Variants in RBMS3 observed in about 807,000 individuals in gnomAD.
RBMS3 encodes the protein RNA binding motif single stranded interacting protein 3.
In RBMS3, 27 loss-of-function variants were observed where a neutral mutation model predicts 66.8. The observed-to-expected ratio is 0.40, with a 90% CI of 0.30 to 0.56. The LOEUF is 0.56. Ranked by LOEUF, RBMS3 falls within the 20% of genes least tolerant of loss-of-function variation. The pLI is 0.40. For missense variants in RBMS3, 513 were observed against 549.5 expected (o/e 0.93, Z 0.66); for synonymous variants, 188 against 183.0 (o/e 1.03, Z -0.22).
At chr3:29,694,271 C>T (rs1432699704) in intron 4 of RBMS3, among the ~76,000 whole-genome samples, 1 of 152,164 alleles carries the variant, frequency 6.6e-6, no homozygotes. Context: ...CATACATTTT[C>T]ACCCAAGTCT....
chr3:29,714,542 G>A (rs2053309887), intron 4 of RBMS3, among the ~76,000 whole-genome samples: 1 of 152,202 alleles, frequency 6.6e-6, no homozygotes, highest in Admixed American at 6.5e-5. Flanking sequence ...TTAAAATCAT[G>A]AGACTTGGTA....
At position 29,281,475 on chromosome 3, in the gene RBMS3, C is replaced by T. The variant is rs202206506; in HGVS notation, c.-207C>T. On this transcript the variant is annotated 5_prime_UTR_variant, in exon 1 of 15. Coordinates refer to ENST00000383767, the MANE Select transcript of RBMS3 (RefSeq NM_001003793.3). ...TTTTCTACAGATCTCACTCCTCGCC[C>T]TTTTTTTTTTTCCTTTGGTGTGTGT... The T allele has an allele frequency of 7.1e-5, 33 of 465,122 alleles. No homozygotes were observed. The highest frequency in any genetic ancestry group is 1.1e-3 in the Middle Eastern group (2 of 1,782). The allele number at this position is 465,122 out of a possible 1,614,324, so 28.8% of individuals were successfully genotyped here. A position where few individuals can be genotyped will look rare whatever the true frequency, so the allele number is the denominator to read the frequency against.
intron 4 of RBMS3, among the ~76,000 whole-genome samples, chr3:29,671,236 G>A (rs745953348): frequency 3.3e-5 from 5 of 151,788 alleles, no homozygotes; most frequent in African/African-American, 4.8e-5. Flanking sequence ...TAGCATCAAC[G>A]TCAACAAAAA....
chr3:29,963,865 C>T (rs886797184), intron 12 of RBMS3, among the ~76,000 whole-genome samples: 1 of 145,504 alleles, frequency 6.9e-6, no homozygotes, highest in African/African-American at 2.5e-5. Flanking sequence ...AGGCTGAGTA[C>T]ATAAAGGAAG....
intron 3 of RBMS3, among the ~76,000 whole-genome samples, chr3:29,509,651 T>C (rs563012330): frequency 6.6e-5 from 10 of 152,338 alleles, no homozygotes; most frequent in African/African-American, 2.4e-4. Flanking sequence ...GCTTTCCCTG[T>C]GCCTTCCACG....
At chr3:29,895,553 A>G (rs2060107560) in intron 8 of RBMS3, among the ~76,000 whole-genome samples, 1 of 151,472 alleles carries the variant, frequency 6.6e-6, no homozygotes, top group Non-Finnish European at 1.5e-5. Flanking sequence ...GAGATTCATC[A>G]TGTTGAATGT....
rs958774618 is a variant in RBMS3, at chr3:29,579,018, G to T, written c.308-8096G>T. On this transcript the variant is annotated intron_variant, in intron 3 of 14. Transcript: ENST00000383767. ...GGGTTTCACCTTGTTAGCCAGGATG[G>T]TCTCGATCTCCTGACCTCATGATCC... Among the ~76,000 whole-genome samples the T allele has an allele frequency of 4.5e-5, 6 of 133,812 alleles. 1 individual carries two copies. The highest frequency in any genetic ancestry group is 9.3e-5 in the Non-Finnish European group (6 of 64,316). 87.8% of individuals were successfully genotyped at this position (133,812 alleles called of 152,430 possible).
intron 6 of RBMS3, among the ~76,000 whole-genome samples, chr3:29,867,073 C>T (rs2059381183): frequency 1.3e-5 from 2 of 152,058 alleles, no homozygotes; most frequent in South Asian, 4.1e-4. Flanking sequence ...AAGGATTTGA[C>T]AAAATATGAC....
chr3:29,812,861 TGTC>T (rs962820798), intron 6 of RBMS3, among the ~76,000 whole-genome samples: 2 of 152,090 alleles, frequency 1.3e-5, no homozygotes, highest in East Asian at 3.9e-4. Flanking sequence ...TAAATTGCAT[TGTC>T]ATTATACTTT....
At chr3:30,001,596 CATTGTCAGT>C (rs935201758) in intron 14 of RBMS3, among the ~76,000 whole-genome samples, 2 of 151,864 alleles carry the variant, frequency 1.3e-5, no homozygotes, top group Non-Finnish European at 2.9e-5. Flanking sequence ...AATTTCTATA[CATTGTCAGT>C]ATATCAATGA....
At chr3:29,635,051 AATCTTCTAT>A (rs1377533609) in intron 4 of RBMS3, among the ~76,000 whole-genome samples, 2 of 151,922 alleles carry the variant, frequency 1.3e-5, no homozygotes, top group Non-Finnish European at 2.9e-5. Context: ...AAGTTTTACT[AATCTTCTAT>A]TGTATCCATG....
intron 1 of RBMS3, among the ~76,000 whole-genome samples, chr3:29,365,582 G>A (rs9849677): frequency 0.63 from 95,151 of 151,790 alleles, 30,325 homozygotes; most frequent in Non-Finnish European, 0.69. Flanking sequence ...TTTGCGTTAA[G>A]TCTCTTTGTA....
chr3:29,986,618 A>G lies in RBMS3; in HGVS notation c.1099-1525A>G, dbSNP rs575889021. On this transcript the variant is annotated intron_variant, in intron 12 of 14. Coordinates refer to ENST00000383767, the MANE Select transcript of RBMS3 (RefSeq NM_001003793.3). ...TGAAATGTCCAGGGAACTGTTATCT[A>G]CAACATACTCTATAGAGTAATCTTG... Among the ~76,000 whole-genome samples the G allele has an allele frequency of 4.6e-5, 7 of 152,342 alleles. No individual in the cohort carries two copies. In the South Asian group the frequency reaches 1.5e-3, roughly 32 times the overall value.
intron 4 of RBMS3, among the ~76,000 whole-genome samples, chr3:29,692,028 CA>C (rs1387418710): frequency 7.0e-6 from 1 of 143,510 alleles, no homozygotes; most frequent in African/African-American, 2.6e-5. Context: ...CAGCTCACTG[CA>C]ACCTCTGCCT....
intron 1 of RBMS3, among the ~76,000 whole-genome samples, chr3:29,420,555 G>C (rs1200542108): frequency 7.3e-5 from 8 of 110,044 alleles, no homozygotes; most frequent in African/African-American, 2.7e-4. Flanking sequence ...GGTGTACTTA[G>C]GTTTGTTTTT....
intron 11 of RBMS3, among the ~76,000 whole-genome samples, chr3:29,943,858 C>A (rs1411593576): frequency 6.6e-6 from 1 of 151,694 alleles, no homozygotes; most frequent in Non-Finnish European, 1.5e-5. Context: ...TCTGGGCCCC[C>A]TCTAAATGGG....
At position 29,754,606 on chromosome 3, in the gene RBMS3, C is replaced by T. The variant is rs1415391123; in HGVS notation, c.558-8304C>T. ...ACTGAAAGTCTGTTTCAGGTCCCACCTGAGTCACCAAAATGTCAACCTTAA... is the reference window on the plus strand; with the variant it reads ...ACTGAAAGTCTGTTTCAGGTCCCACTTGAGTCACCAAAATGTCAACCTTAA... On this transcript the variant is annotated intron_variant, in intron 5 of 14. Transcript: ENST00000383767. Among the ~76,000 whole-genome samples, 3 of 152,146 alleles carry T rather than the reference C, an allele frequency of 2.0e-5. No homozygotes were observed. The East Asian group carries it at 5.8e-4, about 29-fold the overall frequency.
intron 1 of RBMS3, among the ~76,000 whole-genome samples, chr3:29,339,071 G>C (rs1183213579): frequency 6.6e-6 from 1 of 152,126 alleles, no homozygotes; most frequent in Admixed American, 6.6e-5. Context: ...TCTAACTCTT[G>C]TTGGCCTCTC....
At chr3:29,698,596 G>A in intron 4 of RBMS3, 1 of 985,328 alleles carries the variant, frequency 1.0e-6, no homozygotes, top group African/African-American at 1.7e-5. Context: ...ATTTGGGCAT[G>A]TCTACCAAAA....
Sources: gnomAD v4.1 joint callset for allele counts (sites outside exome capture counted in the v4.1 genomes callset) on GRCh38, gnomAD v4.1.1 for gene constraint, MANE v1.5 for transcripts, NCBI Gene and HGNC (gene_info 2026-07-23, HGNC 2026-07-21) for gene names.